HCN4: variants seen among roughly 807,000 people sequenced by gnomAD.
The protein encoded by HCN4 is potassium/sodium hyperpolarization-activated cyclic nucleotide-gated channel 4.
HCN4 carries 29 observed loss-of-function variants against 76.9 expected under a neutral mutation model. That is an observed-to-expected ratio of 0.38 (90% CI 0.28 to 0.51). The LOEUF (loss-of-function observed/expected upper bound fraction) is 0.51, where lower values mean the gene tolerates loss of function less well. Ranked by LOEUF, HCN4 falls within the 20% of genes least tolerant of loss-of-function variation. The pLI is 0.90. For missense variants in HCN4, 1,416 were observed against 1,715.2 expected (o/e 0.83, Z 3.08); for synonymous variants, 772 against 762.5 (o/e 1.01, Z -0.21).
Position 73,368,123 on chromosome 15 carries a change from G to A in HCN4, c.148C>T (p.Leu50=). ...RQDPSRRSIR[L]RPLPSPSPSA... ...GGGGAGGGCGAGGGCAGTGGCCGCA[G>A]CCGGATGCTCCTGCGGCTGGGGTCT... Residue 50 remains leucine (L), a synonymous_variant, in exon 1 of 8, where the codon CTG becomes TTG. Transcript: ENST00000261917. The surrounding 1 kb of genome is among the most constrained non-coding windows in gnomAD (Gnocchi z 6.9). The A allele has an allele frequency of 1.3e-6, 2 of 1,511,082 alleles. No individual in the cohort carries two copies. The highest frequency in any genetic ancestry group is 1.8e-6 in the Non-Finnish European group (2 of 1,132,672). 93.6% of individuals were successfully genotyped at this position (1,511,082 alleles called of 1,614,324 possible). A position where few individuals can be genotyped will look rare whatever the true frequency, so the allele number is the denominator to read the frequency against.
At chr15:73,333,188 C>T (rs2042942828) in intron 2 of HCN4, among the ~76,000 whole-genome samples, 1 of 152,196 alleles carries the variant, frequency 6.6e-6, no homozygotes, top group Admixed American at 6.5e-5. Flanking sequence ...CCAGCCCCTC[C>T]TCCTCCCAAA....
intron 4 of HCN4, among the ~76,000 whole-genome samples, chr15:73,326,130 G>A (rs1213685904): frequency 6.6e-6 from 1 of 152,036 alleles, no homozygotes; most frequent in Non-Finnish European, 1.5e-5. Context: ...TGAGAGGAGT[G>A]GACATTGCTC....
At position 73,324,994 on chromosome 15, in the gene HCN4, T is replaced by C; in HGVS notation, c.1939A>G (p.Asn647Asp). 6.2e-7 allele frequency: 1 copy of C among 1,614,208 alleles called. No individual in the cohort carries two copies. Among genetic ancestry groups the C allele is most frequent in the South Asian group, 1.1e-5 (1 of 91,080 alleles). ...HGVVSVLTKG[N>D]KETKLADGSY... ...CCGTCGGCCAGCTTGGTCTCCTTGT[T>C]GCCCTTGGTGAGCACGCTGACCACG... is the stretch of plus-strand genomic sequence containing the variant. Residue 647 changes from asparagine to aspartate, a missense_variant, in exon 6 of 8, where the codon AAC becomes GAC. This residue lies in a region of HCN4 where 241 missense variants were observed against 379.4 expected (regional missense o/e 0.64). Transcript: ENST00000261917.
Position 73,323,462 on chromosome 15 carries a change from T to C in HCN4, c.2631A>G (p.Ser877=), listed in dbSNP as rs1290544712. ...APAGLSPLLP[S]SSSSPPPGAC... ...CCCCGGGGGGTGGGGAGGAGCTGGATGAGGGCAGGAGTGGGCTCAGTCCAG... is the reference window on the plus strand; with the variant it reads ...CCCCGGGGGGTGGGGAGGAGCTGGACGAGGGCAGGAGTGGGCTCAGTCCAG... Residue 877 remains serine (S), a synonymous_variant, in exon 8 of 8, where the codon TCA becomes TCG. Transcript: ENST00000261917. 1.2e-6 allele frequency: 2 copies of C among 1,607,592 alleles called. No individual in the cohort carries two copies. Among genetic ancestry groups the C allele is most frequent in the African/African-American group, 2.7e-5 (2 of 74,752 alleles).
chr15:73,334,413 G>A (rs2042950201), intron 2 of HCN4, among the ~76,000 whole-genome samples: 1 of 152,064 alleles, frequency 6.6e-6, no homozygotes, highest in Admixed American at 6.5e-5. Context: ...TCCCCAGCAG[G>A]TCCCTGAGCA....
chr15:73,364,096 C>T (rs1005221055), intron 1 of HCN4, among the ~76,000 whole-genome samples: 1 of 152,182 alleles, frequency 6.6e-6, no homozygotes, highest in South Asian at 2.1e-4. Flanking sequence ...TAAGCACCCC[C>T]GTCTTCCCTT....
chr15:73,324,591 C>G (rs553542847), intron 6 of HCN4, among the ~76,000 whole-genome samples: 1 of 152,258 alleles, frequency 6.6e-6, no homozygotes, highest in South Asian at 2.1e-4. Context: ...GAATTAGTGC[C>G]TTTTTAGGAG....
rs563631302 is a variant in HCN4 at position 73,323,545 on chromosome 15, C to T, written c.2548G>A (p.Asp850Asn). The T allele has an allele frequency of 6.2e-7, 1 of 1,600,946 alleles. No individual in the cohort carries two copies. Among genetic ancestry groups the T allele is most frequent in the Non-Finnish European group, 8.5e-7 (1 of 1,179,848 alleles). ...ASPASSPSQV[D>N]TPSSSSFHIQ... ...TGGAAGGAGGATGAAGACGGTGTGT[C>T]CACCTGGGACGGGCTGCTGGCGGGC... Residue 850 changes from aspartate to asparagine, a missense_variant, in exon 8 of 8, where the codon GAC becomes AAC. Transcript: ENST00000261917.
At chr15:73,345,681 TCACA>T (rs2043026594) in intron 1 of HCN4, among the ~76,000 whole-genome samples, 2 of 152,128 alleles carry the variant, frequency 1.3e-5, no homozygotes, top group African/African-American at 2.4e-5. Context: ...GTATCCCCAT[TCACA>T]CACACAGTGC....
In HCN4 at chr15:73,321,197, TGGCAG is replaced by T. The variant is rs2042855140; in HGVS notation, c.*1279_*1283del. 1 of 152,170 alleles carries T rather than the reference TGGCAG, an allele frequency of 6.6e-6. No individual in the cohort carries two copies. Among genetic ancestry groups the T allele is most frequent in the African/African-American group, 2.4e-5 (1 of 41,438 alleles). The allele number at this position is 152,170 out of a possible 1,614,324, so 9.4% of individuals were successfully genotyped here. On this transcript the variant is annotated 3_prime_UTR_variant, in exon 8 of 8. Transcript: ENST00000261917. ...TGCCCAAGATCATACAGCTAAGAAG[TGGCAG>T]GGCTGGGATTCAAACCCAGGCCTGA...
chr15:73,323,411 T>C lies in HCN4; in HGVS notation c.2682A>G (p.Thr894=). 1 of 1,598,620 alleles carries C rather than the reference T, an allele frequency of 6.3e-7. No homozygotes were observed. The highest frequency in any genetic ancestry group is 1.1e-5 in the South Asian group (1 of 90,000). Residue 894 remains threonine (T), a synonymous_variant, in exon 8 of 8, where the codon ACA becomes ACG. Transcript: ENST00000261917. ...PGACGSPSAP[T]PSAGVAATTI... is the part of the protein sequence containing the mutation. ...TGGTGGCGGCTACGCCAGCTGATGG[T>C]GTGGGAGCCGAGGGGGAGCCACAGG...
Position 73,367,756 on chromosome 15 carries a change from G to A in HCN4, c.515C>T (p.Pro172Leu). The change falls in exon 1 of 8, where the codon CCG becomes CTG. Residue 172 changes from proline to leucine, a missense_variant. Transcript: ENST00000261917. This position sits in a 1 kb window ranked among gnomAD's most constrained non-coding sequence, Gnocchi z 7.5. ...CTCGCAGGAGGCGGAGGCCGGCTGC[G>A]GTGGCTGCTGGGGCGGCGGCGGCGA... ...AASPPPPQQP[P>L]QPASASCEQP... is the part of the protein sequence containing the mutation. 2 of 1,553,168 alleles carry A rather than the reference G, an allele frequency of 1.3e-6. No homozygotes were observed. The highest frequency in any genetic ancestry group is 1.7e-6 in the Non-Finnish European group (2 of 1,157,376).
In HCN4 at chr15:73,354,582, C is replaced by T. The variant is rs565726872; in HGVS notation, c.786-10774G>A. On this transcript the variant is annotated intron_variant, in intron 1 of 7. Transcript: ENST00000261917. ...GTGTGGCCAGGCTATTGTAGATGTA[C>T]GGTGGCTAGGTGCTCTGCTGTGAGG... Among the ~76,000 whole-genome samples the T allele has an allele frequency of 2.0e-5, 3 of 152,254 alleles. No individual in the cohort carries two copies. The South Asian group carries it at 6.2e-4, about 32-fold the overall frequency.
At position 73,323,867 on chromosome 15, in the gene HCN4, G is replaced by A. The variant is rs1368633161; in HGVS notation, c.2226C>T (p.Ile742=). 2 of 1,604,628 alleles carry A rather than the reference G, an allele frequency of 1.2e-6. No individual in the cohort carries two copies. Among genetic ancestry groups the A allele is most frequent in the Non-Finnish European group, 1.7e-6 (2 of 1,179,950 alleles). The change falls in exon 8 of 8, where the codon ATC becomes ATT. Residue 742 remains isoleucine (I), a synonymous_variant. Coordinates refer to ENST00000261917, the MANE Select transcript of HCN4 (RefSeq NM_005477.3). Reference sequence around the variant, plus strand: ...CCCGGTCATGCTGCACAATCTGCTGGATGATCTCATTCTCCTGGTAGTTGA... The same window carrying A: ...CCCGGTCATGCTGCACAATCTGCTGAATGATCTCATTCTCCTGGTAGTTGA... ...GVFNYQENEI[I]QQIVQHDREM... is the part of the protein sequence containing the mutation.
At chr15:73,358,663 G>C (rs2043091783) in intron 1 of HCN4, among the ~76,000 whole-genome samples, 1 of 152,218 alleles carries the variant, frequency 6.6e-6, no homozygotes, top group Non-Finnish European at 1.5e-5. Context: ...GTGAAGGGCA[G>C]GGACTAAGGA....
chr15:73,349,686 G>A (rs2043044977), intron 1 of HCN4, among the ~76,000 whole-genome samples: 2 of 152,058 alleles, frequency 1.3e-5, no homozygotes, highest in Non-Finnish European at 2.9e-5. Flanking sequence ...GTGTCCTAAG[G>A]ACATCACTCT....
intron 1 of HCN4, among the ~76,000 whole-genome samples, chr15:73,346,414 A>G (rs530110754): frequency 6.6e-6 from 1 of 152,228 alleles, no homozygotes; most frequent in Non-Finnish European, 1.5e-5. Flanking sequence ...TGAAATGAGT[A>G]AATAAATCAT....
chr15:73,323,379 G>T lies in HCN4; in HGVS notation c.2714C>A (p.Ala905Asp). The T allele has an allele frequency of 6.3e-7, 1 of 1,587,088 alleles. No individual in the cohort carries two copies. Among genetic ancestry groups the T allele is most frequent in the Middle Eastern group, 1.7e-4 (1 of 5,950 alleles). Residue 905 changes from alanine (A) to aspartate (D), a missense_variant, in exon 8 of 8, where the codon GCC becomes GAC. By Grantham distance (126) the Ala-to-Asp change is moderately radical. Transcript: ENST00000261917. ...PSAGVAATTI[A>D]GFGHFHKALG... ...CGCCTTGTGGAAGTGGCCAAACCCG[G>T]CTATGGTGGTGGCGGCTACGCCAGC... is the stretch of plus-strand genomic sequence containing the variant.
chr15:73,359,011 AG>A (rs1269927082), intron 1 of HCN4, among the ~76,000 whole-genome samples: 3 of 152,224 alleles, frequency 2.0e-5, no homozygotes, highest in Non-Finnish European at 4.4e-5. Context: ...CCAAGCCCAG[AG>A]GATAATGTAT....
Sources: allele counts gnomAD v4.1 joint callset (sites outside exome capture counted in the v4.1 genomes callset), GRCh38; gene constraint gnomAD v4.1.1; regional missense constraint gnomAD v4.1.1; non-coding constraint Gnocchi (gnomAD v3.1); transcripts MANE v1.5; gene names NCBI Gene and HGNC (gene_info 2026-07-23, HGNC 2026-07-21).